SH3BGRL: variants seen among roughly 807,000 people sequenced by gnomAD.
The protein encoded by SH3BGRL is adapter SH3BGRL.
In SH3BGRL, 7 loss-of-function variants were observed where a neutral mutation model predicts 9.8. The observed-to-expected ratio is 0.72, with a 90% CI of 0.41 to 1.35. The LOEUF (loss-of-function observed/expected upper bound fraction) is 1.35. SH3BGRL is among the 40% of genes most tolerant of loss of function. The pLI is 0.01. For missense variants in SH3BGRL, 73 were observed against 84.4 expected, an observed-to-expected ratio of 0.86 and a Z score of 0.53; for synonymous variants, 36 against 29.1, an observed-to-expected ratio of 1.24 and a Z score of -0.76.
chrX:81,221,000 G>C (rs1285657759), intron 1 of SH3BGRL, among the ~76,000 whole-genome samples: 1 of 111,000 alleles, frequency 9.0e-6, no homozygotes, highest in Non-Finnish European at 1.9e-5. Context: ...TTTCATTTTT[G>C]AGGAATTTTT....
intron 1 of SH3BGRL, among the ~76,000 whole-genome samples, chrX:81,257,147 A>G (rs1236587174): frequency 1.8e-5 from 2 of 111,611 alleles, no homozygotes; most frequent in Admixed American, 9.5e-5. Context: ...ATAATTAACA[A>G]TCTAGCTTAT....
rs751166746 is a variant in SH3BGRL at position 81,276,981 on chromosome X, T to C, written c.46-3T>C. The stretch of plus-strand genomic sequence containing the variant: ...AATACGGTTTCTTGTCCTTTGGTCC[T>C]AGATTAAGAAGAAACAACAAGATGT... On this transcript the variant is annotated splice_polypyrimidine_tract_variant and splice_region_variant and intron_variant, in intron 1 of 3. Transcript: ENST00000373212. The C allele has an allele frequency of 1.7e-6, 2 of 1,202,909 alleles. No individual in the cohort carries two copies. Among genetic ancestry groups the C allele is most frequent in the Admixed American group, 2.3e-5 (1 of 44,389 alleles).
intron 1 of SH3BGRL, among the ~76,000 whole-genome samples, chrX:81,234,892 A>C (rs2075643013): frequency 8.9e-6 from 1 of 112,085 alleles, no homozygotes; most frequent in Admixed American, 9.5e-5. Flanking sequence ...TGAGCTAGCA[A>C]GTACTTATGA....
At chrX:81,291,571 A>G (rs1429910814) in intron 3 of SH3BGRL, among the ~76,000 whole-genome samples, 4 of 111,859 alleles carry the variant, frequency 3.6e-5, no homozygotes, top group African/African-American at 1.3e-4. Context: ...CCCAAATCTC[A>G]TGTCCTTTTC....
At chrX:81,262,743 G>T (rs1488984171) in intron 1 of SH3BGRL, among the ~76,000 whole-genome samples, 2 of 112,082 alleles carry the variant, frequency 1.8e-5, no homozygotes, top group Admixed American at 1.9e-4. Context: ...GATATATGGA[G>T]ACTTTTTACT....
At chrX:81,243,382 G>A (rs1212598908) in intron 1 of SH3BGRL, among the ~76,000 whole-genome samples, 1 of 112,056 alleles carries the variant, frequency 8.9e-6, no homozygotes, top group Admixed American at 9.5e-5. Context: ...GGTTACCAGA[G>A]ATTGGAAAGG....
chrX:81,262,926 A>G (rs2075745486), intron 1 of SH3BGRL, among the ~76,000 whole-genome samples: 1 of 111,766 alleles, frequency 8.9e-6, no homozygotes, highest in Non-Finnish European at 1.9e-5. Flanking sequence ...GGGAGACAAA[A>G]GCAAAAGGCA....
intron 3 of SH3BGRL, 73 bp from the exon 4 acceptor site, chrX:81,297,122 T>C (rs1184215181): frequency 2.2e-6 from 2 of 917,311 alleles, no homozygotes; most frequent in African/African-American, 3.9e-5. Flanking sequence ...ACTAATGTAG[T>C]CTGACTAAAA....
chrX:81,214,677 A>G, intron 1 of SH3BGRL, among the ~76,000 whole-genome samples: 1 of 112,160 alleles, frequency 8.9e-6, no homozygotes, highest in Non-Finnish European at 1.9e-5. Context: ...CTACTTGAGA[A>G]TGCCCAATGA....
At chrX:81,252,619 T>A (rs961611095) in intron 1 of SH3BGRL, among the ~76,000 whole-genome samples, 12 of 110,521 alleles carry the variant, frequency 1.1e-4, no homozygotes, top group Admixed American at 1.9e-4. Context: ...TCTGATGAGC[T>A]AAAAAAAAAT....
chrX:81,222,088 T>A (rs2075601548), intron 1 of SH3BGRL, among the ~76,000 whole-genome samples: 1 of 112,485 alleles, frequency 8.9e-6, no homozygotes, highest in Admixed American at 9.4e-5. Flanking sequence ...GCTGCAGTAA[T>A]ACTTTATTCC....
At chrX:81,215,145 A>G (rs938657835) in intron 1 of SH3BGRL, among the ~76,000 whole-genome samples, 2 of 110,257 alleles carry the variant, frequency 1.8e-5, no homozygotes, top group African/African-American at 3.3e-5. Flanking sequence ...ACATTATTCA[A>G]TTCTAGTGGA....
chrX:81,234,957 G>C (rs1419974924), intron 1 of SH3BGRL, among the ~76,000 whole-genome samples: 2 of 111,564 alleles, frequency 1.8e-5, no homozygotes, highest in African/African-American at 6.5e-5. Flanking sequence ...ACAAATTTTG[G>C]ATTCAGGATA....
intron 1 of SH3BGRL, among the ~76,000 whole-genome samples, chrX:81,242,811 G>C (rs981320253): frequency 1.8e-5 from 2 of 111,825 alleles, no homozygotes; most frequent in Non-Finnish European, 3.8e-5. Context: ...GATCACCAGA[G>C]AAATGTAAAT....
At chrX:81,238,681 C>T (rs966133945) in intron 1 of SH3BGRL, among the ~76,000 whole-genome samples, 1 of 110,587 alleles carries the variant, frequency 9.0e-6, no homozygotes, top group African/African-American at 3.3e-5. Flanking sequence ...CAGCAGGGCT[C>T]GGGTGAGACA....
At chrX:81,244,619 T>TAA (rs2075682224) in intron 1 of SH3BGRL, among the ~76,000 whole-genome samples, 1 of 112,124 alleles carries the variant, frequency 8.9e-6, no homozygotes, top group South Asian at 3.7e-4. Context: ...AGTATCTGAT[T>TAA]AACAGCTTTA....
At position 81,297,182 on chromosome X, in the gene SH3BGRL, T is replaced by C. The variant is rs1164086818; in HGVS notation, c.313-13T>C. Reference sequence around the variant, plus strand: ...TGTTTAAACTTATCTGTTTTGTTTGTTTTTCATTTCAGGAAGCAGAAGTGC... The same window carrying C: ...TGTTTAAACTTATCTGTTTTGTTTGCTTTTCATTTCAGGAAGCAGAAGTGC... On this transcript the variant is annotated splice_polypyrimidine_tract_variant and intron_variant, in intron 3 of 3. Coordinates refer to ENST00000373212, the MANE Select transcript of SH3BGRL (RefSeq NM_003022.3). The C allele has an allele frequency of 8.3e-7, 1 of 1,205,211 alleles. No homozygotes were observed. The highest frequency in any genetic ancestry group is 3.0e-5 in the East Asian group (1 of 33,715).
intron 3 of SH3BGRL, among the ~76,000 whole-genome samples, chrX:81,288,309 A>G (rs972573504): frequency 8.9e-6 from 1 of 112,215 alleles, no homozygotes; most frequent in African/African-American, 3.2e-5. Context: ...AAAGCCATAT[A>G]TGACTGAACC....
At chrX:81,229,215 G>A (rs1302966148) in intron 1 of SH3BGRL, among the ~76,000 whole-genome samples, 5 of 110,504 alleles carry the variant, frequency 4.5e-5, no homozygotes, top group African/African-American at 9.9e-5. Flanking sequence ...TCGGTGGCCC[G>A]CCACTCAAAC....
Sources: allele counts gnomAD v4.1 joint callset (sites outside exome capture counted in the v4.1 genomes callset), GRCh38; gene constraint gnomAD v4.1.1; transcripts MANE v1.5; gene names NCBI Gene and HGNC (gene_info 2026-07-23, HGNC 2026-07-21).